The following RNF220 variants were observed in gnomAD, a reference collection of about 807,000 sequenced individuals.
The protein encoded by RNF220 is ring finger protein 220.
Under a neutral mutation model 67.1 loss-of-function variants are expected in RNF220, and 7 were observed. That is an observed-to-expected ratio of 0.10 (90% CI 0.06 to 0.20). RNF220 has a LOEUF of 0.20. Ranked by LOEUF, RNF220 falls within the 10% of genes least tolerant of loss-of-function variation. RNF220 has a pLI of 1.00. For missense variants in RNF220, 565 were observed against 740.3 expected (o/e 0.76, Z 2.75); for synonymous variants, 270 against 283.2 (o/e 0.95, Z 0.47).
chr1:44,444,117 A>T (rs923858613), intron 2 of RNF220, among the ~76,000 whole-genome samples: 1 of 152,168 alleles, frequency 6.6e-6, no homozygotes, highest in African/African-American at 2.4e-5. Flanking sequence ...AAAGAAATAG[A>T]ACATTTCCAG....
chr1:44,411,207 C>G (rs1647926994), intron 1 of RNF220, among the ~76,000 whole-genome samples: 1 of 152,058 alleles, frequency 6.6e-6, no homozygotes, highest in Admixed American at 6.5e-5. Context: ...CCAAAGGCAC[C>G]CATTATGGTT....
chr1:44,451,928 C>T (rs750149247), intron 2 of RNF220, among the ~76,000 whole-genome samples: 5 of 152,156 alleles, frequency 3.3e-5, no homozygotes, highest in Admixed American at 6.5e-5. Flanking sequence ...CTTAACTCTT[C>T]TGTCAGTCTT....
At chr1:44,407,376 T>A (rs890579647) in intron 1 of RNF220, among the ~76,000 whole-genome samples, 1 of 152,122 alleles carries the variant, frequency 6.6e-6, no homozygotes, top group Admixed American at 6.5e-5. Context: ...TTGCCTGGCC[T>A]CCTCTTTCCG....
chr1:44,599,714 T>G (rs17842390), intron 2 of RNF220, among the ~76,000 whole-genome samples: 73,894 of 152,050 alleles, frequency 0.49, 18,869 homozygotes, highest in Middle Eastern at 0.61. Flanking sequence ...GATGGCATGG[T>G]CATGAGCATT....
intron 2 of RNF220, among the ~76,000 whole-genome samples, chr1:44,440,449 T>C (rs946008065): frequency 3.9e-5 from 6 of 152,244 alleles, no homozygotes; most frequent in African/African-American, 1.2e-4. Context: ...GCATTGGGGC[T>C]AATGTTCCTA....
chr1:44,471,099 A>G (rs1654764932), intron 2 of RNF220, among the ~76,000 whole-genome samples: 2 of 152,170 alleles, frequency 1.3e-5, no homozygotes, highest in Non-Finnish European at 2.9e-5. Flanking sequence ...TCAAAAAAAA[A>G]GATAAAATTC....
chr1:44,635,732 C>T, intron 7 of RNF220, 144 bp downstream of exon 7: 1 of 1,501,904 alleles, frequency 6.7e-7, no homozygotes, highest in Non-Finnish European at 8.9e-7. Flanking sequence ...CTGCTGACTG[C>T]CCCTGAATCT....
In RNF220 at chr1:44,543,658, G is replaced by A. The variant is rs190510506; in HGVS notation, c.626-70507G>A. On this transcript the variant is annotated intron_variant, in intron 2 of 14. Transcript: ENST00000361799. The stretch of plus-strand genomic sequence containing the variant: ...TGTGCATGTACAAGAGTACGTGACC[G>A]GGGTGTACAGGAAACATTGCATCAT... 1.4e-4 allele frequency among the ~76,000 whole-genome samples: 21 copies of A among 152,166 alleles called. No individual in the cohort carries two copies. The East Asian group carries it at 3.1e-3, about 22-fold the overall frequency.
intron 2 of RNF220, among the ~76,000 whole-genome samples, chr1:44,578,355 G>A (rs1664982788): frequency 6.6e-6 from 1 of 151,904 alleles, no homozygotes; most frequent in Non-Finnish European, 1.5e-5. Flanking sequence ...TCACCATGTT[G>A]GCCAGGCTGG....
chr1:44,506,705 G>A (rs543420853), intron 2 of RNF220, among the ~76,000 whole-genome samples: 6 of 152,332 alleles, frequency 3.9e-5, no homozygotes, highest in African/African-American at 1.2e-4. Context: ...GCCAAAGCAC[G>A]AACACTGGAG....
At chr1:44,525,833 C>T (rs1660327447) in intron 2 of RNF220, among the ~76,000 whole-genome samples, 1 of 152,162 alleles carries the variant, frequency 6.6e-6, no homozygotes, top group Non-Finnish European at 1.5e-5. Flanking sequence ...TCAGTCTGAC[C>T]ATCTCCCACA....
chr1:44,515,526 A>G (rs1430023877), intron 2 of RNF220, among the ~76,000 whole-genome samples: 1 of 152,210 alleles, frequency 6.6e-6, no homozygotes. Flanking sequence ...TTTCAGAACC[A>G]TTTATTTGTC....
intron 2 of RNF220, among the ~76,000 whole-genome samples, chr1:44,452,660 G>A (rs12411163): frequency 0.37 from 56,943 of 151,898 alleles, 11,658 homozygotes; most frequent in Admixed American, 0.52. Flanking sequence ...TAGTAGAGAC[G>A]GAGTTTCACC....
At chr1:44,584,483 A>C (rs932809584) in intron 2 of RNF220, among the ~76,000 whole-genome samples, 2 of 152,192 alleles carry the variant, frequency 1.3e-5, no homozygotes, top group African/African-American at 4.8e-5. Context: ...TTCCCCTTTT[A>C]TTGCTGCACT....
chr1:44,619,735 G>C (rs937917763), intron 3 of RNF220, among the ~76,000 whole-genome samples: 1 of 152,188 alleles, frequency 6.6e-6, no homozygotes, highest in Non-Finnish European at 1.5e-5. Context: ...AGAGCTGATG[G>C]GCTGGGCGGG....
At chr1:44,507,990 G>T (rs879379837) in intron 2 of RNF220, among the ~76,000 whole-genome samples, 8 of 152,128 alleles carry the variant, frequency 5.3e-5, no homozygotes, top group Non-Finnish European at 7.4e-5. Flanking sequence ...AGACAGTCCT[G>T]GGGGAGCCAT....
At position 44,507,021 on chromosome 1, in the gene RNF220, T is replaced by A. The variant is rs1658492209; in HGVS notation, c.625+94299T>A. ...AAGCAGGTGGGACTGGAGGGGCAGC[T>A]GGGGTGGTACAATGACAAGGAGAAG... On this transcript the variant is annotated intron_variant, in intron 2 of 14. Transcript: ENST00000361799. Among the ~76,000 whole-genome samples, 3 of 152,070 alleles carry A rather than the reference T, an allele frequency of 2.0e-5. No homozygotes were observed. In the South Asian group the frequency reaches 6.2e-4, roughly 32 times the overall value.
At chr1:44,436,534 G>A (rs540401897) in intron 2 of RNF220, among the ~76,000 whole-genome samples, 1 of 152,144 alleles carries the variant, frequency 6.6e-6, no homozygotes, top group African/African-American at 2.4e-5. Flanking sequence ...ATTTTGCCCA[G>A]TTTAAATCCC....
chr1:44,607,780 C>G (rs763333312), intron 2 of RNF220, among the ~76,000 whole-genome samples: 1 of 152,170 alleles, frequency 6.6e-6, no homozygotes, highest in Non-Finnish European at 1.5e-5. Context: ...TAAGCCACCA[C>G]GCCCGGCCAA....
Sources: gnomAD v4.1 joint callset for allele counts (sites outside exome capture counted in the v4.1 genomes callset) on GRCh38, gnomAD v4.1.1 for gene constraint, MANE v1.5 for transcripts, NCBI Gene and HGNC (gene_info 2026-07-23, HGNC 2026-07-21) for gene names.